DIP2A: variants seen among roughly 807,000 people sequenced by gnomAD.
DIP2A encodes the protein disco-interacting protein 2 homolog A.
DIP2A carries 85 observed loss-of-function variants against 177.4 expected under a neutral mutation model. The observed-to-expected ratio is 0.48, with a 90% confidence interval of 0.40 to 0.57. The LOEUF (loss-of-function observed/expected upper bound fraction) is 0.57. Ranked by LOEUF, DIP2A falls within the 20% of genes least tolerant of loss-of-function variation. The pLI is 0.00. For missense variants in DIP2A, 1,791 were observed against 2,100.2 expected, an observed-to-expected ratio of 0.85 and a Z score of 2.88; for synonymous variants, 886 against 881.8, an observed-to-expected ratio of 1.00 and a Z score of -0.08.
At chr21:46,482,091 TG>T (rs2056380460) in intron 1 of DIP2A, among the ~76,000 whole-genome samples, 1 of 152,084 alleles carries the variant, frequency 6.6e-6, no homozygotes, top group African/African-American at 2.4e-5. Flanking sequence ...AACCAATACC[TG>T]GTTCTTTGAA....
At chr21:46,561,110 T>G in intron 33 of DIP2A, 2 of 769,622 alleles carry the variant, frequency 2.6e-6, no homozygotes, top group Non-Finnish European at 3.2e-6. Context: ...GAGTGGCCCC[T>G]GTGACATTTG....
chr21:46,538,104 C>T (rs902641845), intron 15 of DIP2A, among the ~76,000 whole-genome samples: 1 of 152,106 alleles, frequency 6.6e-6, no homozygotes, highest in Non-Finnish European at 1.5e-5. Flanking sequence ...CAGACTGAGG[C>T]CTGAGACCAT....
In DIP2A at chr21:46,558,571, C is replaced by A; in HGVS notation, c.3969+178C>A. 4.5e-6 allele frequency: 3 copies of A among 664,702 alleles called. No individual in the cohort carries two copies. The South Asian group carries it at 5.8e-5, about 13-fold the overall frequency. 41.2% of individuals were successfully genotyped at this position (664,702 alleles called of 1,614,324 possible). On this transcript the variant is annotated intron_variant, in intron 32 of 37. Coordinates refer to ENST00000417564, the MANE Select transcript of DIP2A (RefSeq NM_015151.4). ...CAAGGGTTTTATTTTTAAAGATGTT[C>A]TATTCTAGTTGGAGAAAGGCTTATT... is the stretch of plus-strand genomic sequence containing the variant.
chr21:46,533,512 T>A lies in DIP2A; in HGVS notation c.1306-12T>A. On this transcript the variant is annotated splice_polypyrimidine_tract_variant and intron_variant, in intron 10 of 37. Transcript: ENST00000417564. ...AGCACCCCACCCCACACGGTCACTC[T>A]GCTTTCTGCAGGATGCAGGCAGCCA... 6.2e-7 allele frequency: 1 copy of A among 1,612,088 alleles called. No homozygotes were observed.
At chr21:46,536,271 T>C (rs1307019499) in intron 13 of DIP2A, among the ~76,000 whole-genome samples, 1 of 152,234 alleles carries the variant, frequency 6.6e-6, no homozygotes. Flanking sequence ...CTCTGTCCTT[T>C]CTGCCTGTGC....
intron 3 of DIP2A, among the ~76,000 whole-genome samples, chr21:46,492,807 G>A (rs2057092610): frequency 6.6e-6 from 1 of 152,190 alleles, no homozygotes; most frequent in African/African-American, 2.4e-5. Flanking sequence ...CAGGTGTGAT[G>A]ACACATGCCC....
At chr21:46,472,951 C>G (rs954329626) in intron 1 of DIP2A, among the ~76,000 whole-genome samples, 2 of 152,136 alleles carry the variant, frequency 1.3e-5, no homozygotes, top group Non-Finnish European at 2.9e-5. Flanking sequence ...CATGTGGCTA[C>G]TGAACACTTG....
In DIP2A at chr21:46,537,145, C is replaced by T. The variant is rs1172786525; in HGVS notation, c.1643-79C>T. 3.4e-5 allele frequency: 48 copies of T among 1,425,996 alleles called. No individual in the cohort carries two copies. Among genetic ancestry groups the T allele is most frequent in the Admixed American group, 1.7e-5 (1 of 59,706 alleles). The allele number at this position is 1,425,996 out of a possible 1,614,324, so 88.3% of individuals were successfully genotyped here. A position where few individuals can be genotyped will look rare whatever the true frequency, so the allele number is the denominator to read the frequency against. ...AACTTACATGTTGATGACGTACTCACCTCAGAATTTCTCTAGAAAATGCAT... is the reference window on the plus strand; with the variant it reads ...AACTTACATGTTGATGACGTACTCATCTCAGAATTTCTCTAGAAAATGCAT... On this transcript the variant is annotated intron_variant, in intron 13 of 37. Transcript: ENST00000417564. This position sits in a 1 kb window ranked among gnomAD's most constrained non-coding sequence, Gnocchi z 4.1.
At chr21:46,464,054 T>G (rs1040038722) in intron 1 of DIP2A, among the ~76,000 whole-genome samples, 2 of 151,992 alleles carry the variant, frequency 1.3e-5, no homozygotes, top group Non-Finnish European at 2.9e-5. Flanking sequence ...GCCTTTGTGT[T>G]AATAAACATT....
Position 46,510,289 on chromosome 21 carries a change from G to A in DIP2A, c.904+913G>A, listed in dbSNP as rs1281530521. Among the ~76,000 whole-genome samples, 6 of 152,244 alleles carry A rather than the reference G, an allele frequency of 3.9e-5. No individual in the cohort carries two copies. In the East Asian group the frequency reaches 5.8e-4, roughly 15 times the overall value. Reference sequence around the variant, plus strand: ...TTCTTCTGCCTGCTTTATTCTGGCCGTGCTGGCAGCTGATTAAACTGTGCC... The same window carrying A: ...TTCTTCTGCCTGCTTTATTCTGGCCATGCTGGCAGCTGATTAAACTGTGCC... On this transcript the variant is annotated intron_variant, in intron 7 of 37. Coordinates refer to ENST00000417564, the MANE Select transcript of DIP2A (RefSeq NM_015151.4).
chr21:46,549,701 G>A, intron 21 of DIP2A, 70 bp from the exon 22 acceptor site: 1 of 1,588,606 alleles, frequency 6.3e-7, no homozygotes, highest in South Asian at 1.1e-5. Flanking sequence ...CTTCCATCGT[G>A]AGGGTGAGAA....
chr21:46,535,292 T>G (rs1308421770), intron 13 of DIP2A, among the ~76,000 whole-genome samples: 1 of 149,624 alleles, frequency 6.7e-6, no homozygotes, highest in Non-Finnish European at 1.5e-5. Context: ...AAGTACTAAT[T>G]GTATATATTT....
chr21:46,509,085 CAGTA>C (rs1231963551), intron 6 of DIP2A, among the ~76,000 whole-genome samples, 168 bp from the exon 7 acceptor site: 1 of 152,174 alleles, frequency 6.6e-6, no homozygotes. Context: ...GGAAGGCATT[CAGTA>C]AGTGTTTTCT....
At position 46,556,104 on chromosome 21, in the gene DIP2A, A is replaced by G. The variant is rs1378719946; in HGVS notation, c.3498+13A>G. On this transcript the variant is annotated intron_variant, in intron 29 of 37. Coordinates refer to ENST00000417564, the MANE Select transcript of DIP2A (RefSeq NM_015151.4). This position sits in a 1 kb window ranked among gnomAD's most constrained non-coding sequence, Gnocchi z 4.5. ...AGCGGGAGTGAAGGTAGGTCCTCTGAAATCTTGTTTGCTTCAGCCCCTAGA... is the reference window on the plus strand; with the variant it reads ...AGCGGGAGTGAAGGTAGGTCCTCTGGAATCTTGTTTGCTTCAGCCCCTAGA... 16 of 1,607,808 alleles carry G rather than the reference A, an allele frequency of 1.0e-5. No individual in the cohort carries two copies. The highest frequency in any genetic ancestry group is 1.4e-5 in the Non-Finnish European group (16 of 1,174,318).
At chr21:46,545,377 G>A (rs2148836510) in intron 19 of DIP2A, 104 bp downstream of exon 19, 1 of 1,376,294 alleles carries the variant, frequency 7.3e-7, no homozygotes, top group Non-Finnish European at 9.9e-7. Context: ...TGCGGGGATG[G>A]TCTCCTTCCA....
chr21:46,528,568 T>TTTTTTTTTTTTTTTTTTTTTTTTTTTTTA (rs1569043246), intron 8 of DIP2A, among the ~76,000 whole-genome samples: 2 of 90,576 alleles, frequency 2.2e-5, no homozygotes, highest in Non-Finnish European at 2.3e-5. Flanking sequence ...TTTTTTTTTT[T>TTTTTTTTTTTTTTTTTTTTTTTTTTTTTA]AGATAATGTC....
intron 37 of DIP2A, among the ~76,000 whole-genome samples, chr21:46,567,120 G>C (rs900619294): frequency 2.0e-5 from 3 of 152,210 alleles, no homozygotes; most frequent in African/African-American, 7.2e-5. Flanking sequence ...TCCTTCACCT[G>C]TAGGGAACTT....
At position 46,567,694 on chromosome 21, in the gene DIP2A, C is replaced by A; in HGVS notation, c.*72C>A. On this transcript the variant is annotated 3_prime_UTR_variant, in exon 38 of 38. Transcript: ENST00000417564. ...TCCAAGGTGTGATGTGGGAAGACAC[C>A]GCAGAGCTCACTCACCGGGACTCGC... The A allele has an allele frequency of 3.3e-6, 5 of 1,511,916 alleles. No homozygotes were observed. The highest frequency in any genetic ancestry group is 2.1e-5 in the Admixed American group (1 of 46,888). The allele number at this position is 1,511,916 out of a possible 1,614,324, so 93.7% of individuals were successfully genotyped here.
chr21:46,555,806 G>T (rs2060447103), intron 28 of DIP2A, 176 bp from the exon 29 acceptor site: 11 of 623,950 alleles, frequency 1.8e-5, no homozygotes, highest in Non-Finnish European at 3.2e-5. Context: ...CATGAAGAAT[G>T]AAATACGCTT....
Sources: allele counts gnomAD v4.1 joint callset (sites outside exome capture counted in the v4.1 genomes callset), GRCh38; gene constraint gnomAD v4.1.1; non-coding constraint Gnocchi (gnomAD v3.1); transcripts MANE v1.5; gene names NCBI Gene and HGNC (gene_info 2026-07-23, HGNC 2026-07-21).